The following LILRA5 variants were observed in gnomAD, a reference collection of about 807,000 sequenced individuals.
LILRA5 encodes leukocyte immunoglobulin-like receptor subfamily A member 5.
Under a neutral mutation model 36.3 loss-of-function variants are expected in LILRA5, and 31 were observed. The ratio of observed to expected loss-of-function variants is 0.85; its 90% confidence interval spans 0.64 to 1.15. The LOEUF is 1.15. Among genes scored for constraint, LILRA5 ranks in the 50% most tolerant of loss-of-function variants. The pLI is 0.00. For synonymous variants in LILRA5, 144 were observed against 144.8 expected (o/e 0.99, Z 0.04); for missense variants, 348 against 377.4 (o/e 0.92, Z 0.64).
intron 5 of LILRA5, chr19:54,308,369 ATATATAT>A (rs2080933968): frequency 3.3e-5 from 1 of 30,576 alleles, no homozygotes; most frequent in Non-Finnish European, 5.5e-5. Context: ...ATATATATAT[ATATATAT>A]ATATATATAT....
At position 54,311,435 on chromosome 19, in the gene LILRA5, G is replaced by T. The variant is rs141466672; in HGVS notation, c.691C>A (p.Leu231Ile). 3 of 1,614,192 alleles carry T rather than the reference G, an allele frequency of 1.9e-6. No homozygotes were observed. Among genetic ancestry groups the T allele is most frequent in the Non-Finnish European group, 2.5e-6 (3 of 1,180,036 alleles). ...TCACCTGAGACCGGAATCTCCAGGA[G>T]GTCACTGGGTTCTGACCATACCTGC... Reference protein sequence around the residue: ...ILQVWSEPSDLLEIPVSGAAD... With the variant: ...ILQVWSEPSDILEIPVSGAAD... The change falls in exon 5 of 7, where the codon CTC becomes ATC. Residue 231 changes from leucine (L) to isoleucine (I), a missense_variant. Physicochemically the swap from Leu to Ile is conservative, Grantham distance 5. Transcript: ENST00000432233.
intron 2 of LILRA5, 76 bp from the exon 3 acceptor site, chr19:54,312,446 A>T: frequency 6.2e-7 from 1 of 1,613,866 alleles, no homozygotes; most frequent in Admixed American, 1.7e-5. Flanking sequence ...ACCTCCTAAA[A>T]CCCTGGAGTT....
chr19:54,308,032 C>A, intron 5 of LILRA5: 1 of 455,510 alleles, frequency 2.2e-6, no homozygotes, highest in South Asian at 2.4e-5. Context: ...AAAGTGGCCC[C>A]CAGAAGTCAC....
rs867451032 is a variant in LILRA5, at chr19:54,311,463, G to A, written c.663C>T (p.Ile221=). ...CACTGGGTTCTGACCATACCTGCAG[G>A]ATATGCCTGCGAGAGCCATAGCATC... ...MLRCYGSRRH[I]LQVWSEPSDL... The change falls in exon 5 of 7, where the codon ATC becomes ATT. Residue 221 remains isoleucine (I), a synonymous_variant. Transcript: ENST00000432233. The A allele has an allele frequency of 6.2e-7, 1 of 1,614,176 alleles. No individual in the cohort carries two copies. Among genetic ancestry groups the A allele is most frequent in the Admixed American group, 1.7e-5 (1 of 60,026 alleles).
chr19:54,311,909 C>T lies in LILRA5; in HGVS notation c.364G>A (p.Ala122Thr). Reference protein sequence around the residue: ...GRYRCYYYSPAGWSEPSDPLE... With the variant: ...GRYRCYYYSPTGWSEPSDPLE... Reference sequence around the variant, plus strand: ...GGGTCGCTGGGCTCTGACCAGCCTGCAGGGCTGTAGTAGTAACAGCGGTAT... The same window carrying T: ...GGGTCGCTGGGCTCTGACCAGCCTGTAGGGCTGTAGTAGTAACAGCGGTAT... Residue 122 changes from alanine (A) to threonine (T), a missense_variant, in exon 4 of 7, where the codon GCA (alanine) becomes ACA (threonine). Ala to Thr is a moderately conservative substitution (Grantham distance 58, BLOSUM62 0). Transcript: ENST00000432233. 6.2e-7 allele frequency: 1 copy of T among 1,614,200 alleles called. No individual in the cohort carries two copies.
At chr19:54,308,820 C>T (rs1171726663) in intron 5 of LILRA5, 1 of 152,078 alleles carries the variant, frequency 6.6e-6, no homozygotes, top group Non-Finnish European at 1.5e-5. Context: ...ATGTCAAATA[C>T]ATTAAGCATG....
At chr19:54,312,428 G>T (rs2081042223) in intron 2 of LILRA5, 58 bp from the exon 3 acceptor site, 1 of 1,614,012 alleles carries the variant, frequency 6.2e-7, no homozygotes, top group Non-Finnish European at 8.5e-7. Flanking sequence ...GTCCTCCCCT[G>T]CCTGGGAACC....
chr19:54,310,969 T>A (rs1232562020), intron 5 of LILRA5: 2 of 222,822 alleles, frequency 9.0e-6, no homozygotes, highest in African/African-American at 4.7e-5. Context: ...TTTTTTTTTT[T>A]TTTTGAGACA....
At chr19:54,310,526 C>T (rs891386092) in intron 5 of LILRA5, 86 of 157,646 alleles carry the variant, frequency 5.5e-4, no homozygotes, top group Non-Finnish European at 2.2e-4. Flanking sequence ...GCAGCTGCCC[C>T]TCTTGGCTTT....
chr19:54,307,498 G>A lies in LILRA5; in HGVS notation c.815C>T (p.Ala272Val), dbSNP rs374335118. The change falls in exon 7 of 7, where the codon GCC becomes GTC. Residue 272 changes from alanine to valine, a missense_variant. By Grantham distance (64) the Ala-to-Val change is moderately conservative. Transcript: ENST00000432233. ...CCCAAGGACCACCAGGATCAAGCCG[G>A]CCATGCCCATGCGGATGAGATTCTC... is the stretch of plus-strand genomic sequence containing the variant. ...AVENLIRMGMAGLILVVLGIL... is the reference protein window; with the variant it reads ...AVENLIRMGMVGLILVVLGIL... 1.9e-6 allele frequency: 3 copies of A among 1,614,048 alleles called. No individual in the cohort carries two copies. Among genetic ancestry groups the A allele is most frequent in the Non-Finnish European group, 2.5e-6 (3 of 1,179,976 alleles).
At position 54,311,518 on chromosome 19, in the gene LILRA5, G is replaced by C. The variant is rs368832494; in HGVS notation, c.608C>G (p.Pro203Arg). ...GQFQALFPVGPVTPSHRWMLR... is the reference protein window; with the variant it reads ...GQFQALFPVGRVTPSHRWMLR... ...CATCCACCTGTGGCTGGGGGTCACA[G>C]GGCCCACAGGGAACAGGGCCTGGAA... Residue 203 changes from proline (P) to arginine (R), a missense_variant, in exon 5 of 7, where the codon CCT becomes CGT. Coordinates refer to ENST00000432233, the MANE Select transcript of LILRA5 (RefSeq NM_021250.4). 3 of 1,614,204 alleles carry C rather than the reference G, an allele frequency of 1.9e-6. No homozygotes were observed. Among genetic ancestry groups the C allele is most frequent in the East Asian group, 4.5e-5 (2 of 44,886 alleles).
chr19:54,312,673 T>C (rs1363725588), intron 1 of LILRA5, 52 bp from the exon 2 acceptor site: 1 of 1,550,956 alleles, frequency 6.4e-7, no homozygotes, highest in Admixed American at 1.7e-5. Context: ...GCTGGGTCCT[T>C]CTTGTCATAG....
rs200242489 is a variant in LILRA5 at position 54,311,843 on chromosome 19, G to A, written c.409+21C>T. The A allele has an allele frequency of 1.1e-3, 1,791 of 1,614,150 alleles. 1 individual carries two copies. The highest frequency in any genetic ancestry group is 1.3e-3 in the Non-Finnish European group (1,479 of 1,180,008). Reference sequence around the variant, plus strand: ...TCCTGAGGGCAGAGCCTGGAGCTGGGACCCCAGAGTGTCCTCTCACCTGTC... The same window carrying A: ...TCCTGAGGGCAGAGCCTGGAGCTGGAACCCCAGAGTGTCCTCTCACCTGTC... On this transcript the variant is annotated intron_variant, in intron 4 of 6. Coordinates refer to ENST00000432233, the MANE Select transcript of LILRA5 (RefSeq NM_021250.4).
At position 54,313,003 on chromosome 19, in the gene LILRA5, T is replaced by C. The variant is rs201022502; in HGVS notation, c.3+14A>G. ...TTCAGCCCGTCCATGAGCTCAGCGTTGCGGGGTCCTTACCATGGTCAGTGA... is the reference window on the plus strand; with the variant it reads ...TTCAGCCCGTCCATGAGCTCAGCGTCGCGGGGTCCTTACCATGGTCAGTGA... On this transcript the variant is annotated intron_variant, in intron 1 of 6. Transcript: ENST00000432233. 2.2e-4 allele frequency: 351 copies of C among 1,614,000 alleles called. No homozygotes were observed. Among genetic ancestry groups the C allele is most frequent in the Non-Finnish European group, 2.3e-4 (266 of 1,179,994 alleles).
chr19:54,307,987 C>T, intron 5 of LILRA5: 1 of 549,092 alleles, frequency 1.8e-6, no homozygotes, highest in Non-Finnish European at 3.3e-6. Flanking sequence ...TGGGAAAGAG[C>T]TTTCCTGCAC....
intron 5 of LILRA5, 28 bp from the exon 6 acceptor site, chr19:54,307,776 G>C (rs570495570): frequency 1.2e-6 from 2 of 1,608,656 alleles, no homozygotes; most frequent in Admixed American, 1.7e-5. Context: ...GGAAGGGGAA[G>C]GAGAAGTTCT....
In LILRA5 at chr19:54,307,242, C is replaced by CAAAA. The variant is rs10573769; in HGVS notation, c.*167_*170dup. ...CTGGTGACAGAGCAAGACTCCATCT[C>CAAAA]AAAAAAAAAAAAAAAAAAAAAAAAG... On this transcript the variant is annotated 3_prime_UTR_variant, in exon 7 of 7. Transcript: ENST00000432233. 371 of 115,168 alleles carry CAAAA rather than the reference C, an allele frequency of 3.2e-3. 1 individual carries two copies. Among genetic ancestry groups the CAAAA allele is most frequent in the East Asian group, 0.011 (53 of 4,816 alleles). The allele number at this position is 115,168 out of a possible 1,614,324, so 7.1% of individuals were successfully genotyped here. A position where few individuals can be genotyped will look rare whatever the true frequency, so the allele number is the denominator to read the frequency against.
chr19:54,310,008 TA>T, intron 5 of LILRA5: 1 of 310,556 alleles, frequency 3.2e-6, no homozygotes, highest in Non-Finnish European at 6.4e-6. Flanking sequence ...CGCTTCTCTC[TA>T]AAGGAGCAGG....
chr19:54,313,037 C>T lies in LILRA5; in HGVS notation c.-18G>A. ...CTTACCATGGTCAGTGATTTTTCAGCCCTGGAGATGCTTCAGGGAAGATGC... is the reference window on the plus strand; with the variant it reads ...CTTACCATGGTCAGTGATTTTTCAGTCCTGGAGATGCTTCAGGGAAGATGC... On this transcript the variant is annotated 5_prime_UTR_variant, in exon 1 of 7. Coordinates refer to ENST00000432233, the MANE Select transcript of LILRA5 (RefSeq NM_021250.4). The T allele has an allele frequency of 3.1e-6, 5 of 1,613,886 alleles. No homozygotes were observed. Among genetic ancestry groups the T allele is most frequent in the Admixed American group, 1.7e-5 (1 of 60,008 alleles).
Sources: gnomAD v4.1 joint callset for allele counts on GRCh38, gnomAD v4.1.1 for gene constraint, MANE v1.5 for transcripts, NCBI Gene and HGNC (gene_info 2026-07-23, HGNC 2026-07-21) for gene names.